The following RBFOX1 variants were observed in gnomAD, a reference collection of about 807,000 sequenced individuals.
RBFOX1 encodes the protein RNA binding fox-1 homolog 1.
RBFOX1 carries 8 observed loss-of-function variants against 57.7 expected under a neutral mutation model. That is an observed-to-expected ratio of 0.14 (90% confidence interval 0.08 to 0.25). RBFOX1 has a LOEUF of 0.25. Ranked by LOEUF, RBFOX1 falls within the 10% of genes least tolerant of loss-of-function variation. RBFOX1 has a pLI of 1.00. For synonymous variants in RBFOX1, 326 were observed against 222.4 expected (o/e 1.47, Z -4.15); for missense variants, 611 against 548.5 (o/e 1.11, Z -1.14).
chr16:5,697,087 G>A, intron 3 of RBFOX1, among the ~76,000 whole-genome samples: 1 of 151,958 alleles, frequency 6.6e-6, no homozygotes, highest in East Asian at 1.9e-4. Flanking sequence ...TTAGAATTTT[G>A]TACTATGTGA....
intron 4 of RBFOX1, among the ~76,000 whole-genome samples, chr16:7,313,888 T>C (rs935091128): frequency 1.3e-5 from 2 of 152,100 alleles, no homozygotes; most frequent in African/African-American, 4.8e-5. Flanking sequence ...CAGTGGCTGG[T>C]TCTGTATGAT....
chr16:7,565,354 G>C (rs777277139), intron 5 of RBFOX1, among the ~76,000 whole-genome samples: 41 of 151,906 alleles, frequency 2.7e-4, no homozygotes, highest in Non-Finnish European at 5.4e-4. Context: ...ATTTTCCCCC[G>C]AACTTTTCTC....
intron 1 of RBFOX1, among the ~76,000 whole-genome samples, chr16:5,280,650 T>C (rs2063248721): frequency 6.6e-6 from 1 of 152,194 alleles, no homozygotes. Flanking sequence ...TTCTTCCTAG[T>C]TCAATCTTGG....
intron 4 of RBFOX1, among the ~76,000 whole-genome samples, chr16:7,338,262 A>C (rs149880708): frequency 3.6e-5 from 5 of 139,616 alleles, no homozygotes; most frequent in African/African-American, 1.4e-4. Flanking sequence ...TTTCTCTCTG[A>C]GATGGTAAGC....
At chr16:6,585,972 C>G (rs13338986) in intron 2 of RBFOX1, among the ~76,000 whole-genome samples, 2 of 152,128 alleles carry the variant, frequency 1.3e-5, no homozygotes, top group South Asian at 2.1e-4. Flanking sequence ...CAGTTTTAAA[C>G]GTTCAAAACA....
At chr16:7,707,353 C>T (rs1489200863) in intron 14 of RBFOX1, among the ~76,000 whole-genome samples, 1 of 152,040 alleles carries the variant, frequency 6.6e-6, no homozygotes, top group Non-Finnish European at 1.5e-5. Context: ...GGATTGGTAT[C>T]ACTTATCTAC....
intron 3 of RBFOX1, among the ~76,000 whole-genome samples, chr16:5,618,221 T>A (rs1216887336): frequency 6.6e-6 from 1 of 152,214 alleles, no homozygotes; most frequent in Non-Finnish European, 1.5e-5. Context: ...GTCATAGAGA[T>A]GGAATCCTGA....
At chr16:7,036,106 C>G (rs944549792) in intron 3 of RBFOX1, among the ~76,000 whole-genome samples, 36 of 152,246 alleles carry the variant, frequency 2.4e-4, no homozygotes, top group African/African-American at 8.4e-4. Flanking sequence ...GTCAGAATAG[C>G]ATGGAAAGAC....
chr16:5,678,328 G>C (rs1267985950), intron 3 of RBFOX1, among the ~76,000 whole-genome samples: 2 of 152,162 alleles, frequency 1.3e-5, no homozygotes, highest in African/African-American at 2.4e-5. Flanking sequence ...GGCTGGTCTT[G>C]TTCTTAAGCC....
Position 6,351,249 on chromosome 16 carries a change from C to T in RBFOX1, c.-64+34192C>T, listed in dbSNP as rs919447490. 1.1e-4 allele frequency among the ~76,000 whole-genome samples: 15 copies of T among 142,384 alleles called. No individual in the cohort carries two copies. The East Asian group carries it at 1.2e-3, about 12-fold the overall frequency. The allele number at this position is 142,384 out of a possible 152,430, so 93.4% of individuals were successfully genotyped here. ...CTGTGTAATTATATATATGCATATG[C>T]GTTTGAATTGTATTCTAATATATAC... On this transcript the variant is annotated intron_variant, in intron 2 of 15. Transcript: ENST00000550418.
chr16:6,798,435 GAC>G (rs1429940203), intron 3 of RBFOX1, among the ~76,000 whole-genome samples: 4 of 152,190 alleles, frequency 2.6e-5, no homozygotes, highest in African/African-American at 9.7e-5. Flanking sequence ...GATAGGGAGA[GAC>G]AGAGAGCTGC....
At chr16:6,830,566 G>A (rs1218459609) in intron 3 of RBFOX1, among the ~76,000 whole-genome samples, 1 of 152,186 alleles carries the variant, frequency 6.6e-6, no homozygotes, top group Non-Finnish European at 1.5e-5. Context: ...TGGTTTGTCA[G>A]AATGGGGTGG....
In RBFOX1 at chr16:5,627,598, T is replaced by C. The variant is rs1178822774; in HGVS notation, c.318+28637T>C. ...TTATAATAAATAAGCAACAACCTTA[T>C]AAATAACAACAAACTAAGAAGGGGA... On this transcript the variant is annotated intron_variant, in intron 3 of 19. Coordinates refer to the RBFOX1 transcript ENST00000641259. 2.6e-4 allele frequency among the ~76,000 whole-genome samples: 40 copies of C among 152,118 alleles called. 1 individual carries two copies. Among genetic ancestry groups the C allele is most frequent in the Non-Finnish European group, 4.4e-5 (3 of 68,014 alleles).
intron 4 of RBFOX1, among the ~76,000 whole-genome samples, chr16:7,491,771 C>T (rs2067055149): frequency 6.6e-6 from 1 of 152,138 alleles, no homozygotes. Context: ...GCTAGGACCG[C>T]AGGCACATGC....
intron 2 of RBFOX1, among the ~76,000 whole-genome samples, chr16:5,596,410 C>G (rs2047185153): frequency 6.6e-6 from 1 of 152,168 alleles, no homozygotes; most frequent in African/African-American, 2.4e-5. Context: ...AGGTCTTGGA[C>G]TTAGGAAGTC....
At chr16:7,558,943 T>A (rs1385668067) in intron 5 of RBFOX1, among the ~76,000 whole-genome samples, 1 of 152,260 alleles carries the variant, frequency 6.6e-6, no homozygotes, top group African/African-American at 2.4e-5. Context: ...CCACTGTTAC[T>A]CTTTTGAAGA....
chr16:6,940,029 A>T (rs1280005296), intron 3 of RBFOX1, among the ~76,000 whole-genome samples: 3 of 152,180 alleles, frequency 2.0e-5, no homozygotes, highest in Non-Finnish European at 2.9e-5. Context: ...AGCCTGGCCT[A>T]CAGGGCAAAA....
intron 3 of RBFOX1, among the ~76,000 whole-genome samples, chr16:6,899,296 T>C (rs2067864224): frequency 6.6e-6 from 1 of 152,208 alleles, no homozygotes; most frequent in Non-Finnish European, 1.5e-5. Context: ...ATAATACATA[T>C]GTGTATGCAT....
At chr16:6,995,045 G>T (rs1191671476) in intron 3 of RBFOX1, among the ~76,000 whole-genome samples, 1 of 150,586 alleles carries the variant, frequency 6.6e-6, no homozygotes, top group Non-Finnish European at 1.5e-5. Flanking sequence ...TATTAGGCTG[G>T]CTAATTATTG....
Sources: gnomAD v4.1 joint callset for allele counts (sites outside exome capture counted in the v4.1 genomes callset) on GRCh38, gnomAD v4.1.1 for gene constraint, MANE v1.5 for transcripts, NCBI Gene and HGNC (gene_info 2026-07-23, HGNC 2026-07-21) for gene names.